Variants in CNTNAP2 observed in about 807,000 individuals in gnomAD.
CNTNAP2 encodes the protein contactin associated protein 2.
Under a neutral mutation model 155.2 loss-of-function variants are expected in CNTNAP2, and 98 were observed. The observed-to-expected ratio is 0.63, with a 90% confidence interval of 0.54 to 0.75. The LOEUF (loss-of-function observed/expected upper bound fraction) is 0.75. Among genes scored for constraint, CNTNAP2 ranks in the 30% least tolerant of loss-of-function variants. The pLI is 0.00. For synonymous variants in CNTNAP2, 651 were observed against 631.2 expected, an observed-to-expected ratio of 1.03 and a Z score of -0.47; for missense variants, 1,727 against 1,688.1, an observed-to-expected ratio of 1.02 and a Z score of -0.40.
chr7:147,520,661 G>C (rs564857089), intron 11 of CNTNAP2, among the ~76,000 whole-genome samples: 1 of 152,148 alleles, frequency 6.6e-6, no homozygotes, highest in Non-Finnish European at 1.5e-5. Context: ...GATGACATAG[G>C]CCTACTGCTT....
At chr7:146,927,412 G>T (rs1796629729) in intron 3 of CNTNAP2, among the ~76,000 whole-genome samples, 1 of 152,058 alleles carries the variant, frequency 6.6e-6, no homozygotes, top group African/African-American at 2.4e-5. Flanking sequence ...TAAAAAGTCT[G>T]CAGTTTCTCC....
chr7:146,634,830 G>A (rs114332340), intron 1 of CNTNAP2, among the ~76,000 whole-genome samples: 1 of 152,280 alleles, frequency 6.6e-6, no homozygotes, highest in South Asian at 2.1e-4. Context: ...CTCAGGGACT[G>A]CAATGTTTTT....
At chr7:148,026,692 A>G (rs1439971638) in intron 15 of CNTNAP2, among the ~76,000 whole-genome samples, 2 of 152,146 alleles carry the variant, frequency 1.3e-5, no homozygotes, top group African/African-American at 2.4e-5. Context: ...ATACCCGCCC[A>G]CCTCATACAG....
At position 147,630,775 on chromosome 7, in the gene CNTNAP2, C is replaced by T. The variant is rs139781249; in HGVS notation, c.1898-8331C>T. 5.9e-5 allele frequency among the ~76,000 whole-genome samples: 9 copies of T among 152,288 alleles called. No homozygotes were observed. In the East Asian group the frequency reaches 1.5e-3, roughly 26 times the overall value. On this transcript the variant is annotated intron_variant, in intron 12 of 23. Transcript: ENST00000361727. ...AAGCATTTGACAAAGTCCAGCATCC[C>T]TTTACGAATAAAACCTTCTGCAAAA...
At position 147,364,136 on chromosome 7, in the gene CNTNAP2, T is replaced by C. The variant is rs552886231; in HGVS notation, c.1499-31473T>C. On this transcript the variant is annotated intron_variant, in intron 9 of 23. Transcript: ENST00000361727. Reference sequence around the variant, plus strand: ...CTCATCAAATAATCATGTTGAGAGCTTACATTATCTTTTTATATTATCTCT... The same window carrying C: ...CTCATCAAATAATCATGTTGAGAGCCTACATTATCTTTTTATATTATCTCT... Among the ~76,000 whole-genome samples, 3 of 152,340 alleles carry C rather than the reference T, an allele frequency of 2.0e-5. No homozygotes were observed. The South Asian group carries it at 6.2e-4, about 32-fold the overall frequency.
intron 8 of CNTNAP2, among the ~76,000 whole-genome samples, chr7:147,249,255 G>A (rs551494855): frequency 7.9e-5 from 12 of 152,194 alleles, no homozygotes; most frequent in Non-Finnish European, 1.3e-4. Flanking sequence ...TTATGCCTGT[G>A]ATTATAGGAT....
chr7:146,657,531 G>A (rs752005209), intron 1 of CNTNAP2, among the ~76,000 whole-genome samples: 17 of 151,962 alleles, frequency 1.1e-4, no homozygotes, highest in South Asian at 2.1e-4. Flanking sequence ...TGTCTCTGTC[G>A]TTCTCTGTCT....
At chr7:146,965,840 G>T (rs371240547) in intron 3 of CNTNAP2, among the ~76,000 whole-genome samples, 3 of 152,270 alleles carry the variant, frequency 2.0e-5, no homozygotes, top group African/African-American at 7.2e-5. Flanking sequence ...AGTACAACAG[G>T]TGTCATTTGC....
intron 8 of CNTNAP2, among the ~76,000 whole-genome samples, chr7:147,198,685 C>T (rs1802859208): frequency 6.6e-6 from 1 of 152,144 alleles, no homozygotes; most frequent in Non-Finnish European, 1.5e-5. Flanking sequence ...GCCTCCTAAT[C>T]CTGTACATTT....
chr7:146,603,502 G>T (rs566635538), intron 1 of CNTNAP2, among the ~76,000 whole-genome samples: 1 of 150,234 alleles, frequency 6.7e-6, no homozygotes, highest in Admixed American at 6.6e-5. Flanking sequence ...ACTGCCCAAG[G>T]TAATTTACAG....
intron 8 of CNTNAP2, among the ~76,000 whole-genome samples, chr7:147,258,233 GA>G (rs1804374538): frequency 1.3e-5 from 2 of 152,014 alleles, no homozygotes; most frequent in Admixed American, 6.6e-5. Context: ...TTTTTTAATT[GA>G]TGCATAGTGG....
At chr7:146,711,323 A>G (rs1801067895) in intron 1 of CNTNAP2, among the ~76,000 whole-genome samples, 1 of 147,082 alleles carries the variant, frequency 6.8e-6, no homozygotes, top group African/African-American at 2.5e-5. Flanking sequence ...TATGTGTATA[A>G]TATATGTACA....
intron 3 of CNTNAP2, among the ~76,000 whole-genome samples, chr7:146,901,252 C>G (rs112323313): frequency 0.012 from 1,900 of 152,210 alleles, 38 homozygotes; most frequent in African/African-American, 0.043. Flanking sequence ...TCAACAGTTT[C>G]TGCTGAGTAA....
intron 17 of CNTNAP2, among the ~76,000 whole-genome samples, chr7:148,169,291 G>C (rs748094083): frequency 6.6e-6 from 1 of 152,150 alleles, no homozygotes; most frequent in African/African-American, 2.4e-5. Context: ...ATACAAAAAG[G>C]CACTGACCAA....
intron 9 of CNTNAP2, among the ~76,000 whole-genome samples, chr7:147,329,273 T>C (rs1795514301): frequency 6.6e-6 from 1 of 152,098 alleles, no homozygotes; most frequent in Non-Finnish European, 1.5e-5. Context: ...TTATAATTCT[T>C]ACACATTATA....
intron 14 of CNTNAP2, among the ~76,000 whole-genome samples, chr7:147,974,398 T>C (rs1801390728): frequency 1.3e-5 from 2 of 151,904 alleles, no homozygotes; most frequent in African/African-American, 4.8e-5. Context: ...TCCCCTGAGG[T>C]CAGGAGGGCA....
intron 13 of CNTNAP2, among the ~76,000 whole-genome samples, chr7:147,742,529 G>T (rs904133052): frequency 1.3e-5 from 2 of 152,158 alleles, no homozygotes; most frequent in African/African-American, 4.8e-5. Flanking sequence ...ACCAAAGAAG[G>T]CATATCTTTC....
intron 1 of CNTNAP2, among the ~76,000 whole-genome samples, chr7:146,634,368 C>T (rs1799563428): frequency 6.6e-6 from 1 of 152,132 alleles, no homozygotes; most frequent in Admixed American, 6.5e-5. Context: ...GAAAACTGAT[C>T]TCATTCATTT....
chr7:147,159,677 A>G (rs988465419), intron 8 of CNTNAP2, among the ~76,000 whole-genome samples: 4 of 152,090 alleles, frequency 2.6e-5, no homozygotes, highest in Non-Finnish European at 5.9e-5. Flanking sequence ...TAATTTTTCC[A>G]TACTTATGAA....
Sources: allele counts gnomAD v4.1 joint callset (sites outside exome capture counted in the v4.1 genomes callset), GRCh38; gene constraint gnomAD v4.1.1; transcripts MANE v1.5; gene names NCBI Gene and HGNC (gene_info 2026-07-23, HGNC 2026-07-21).